Variants in ITPKB observed in about 807,000 individuals in gnomAD.
ITPKB encodes IP3 3-kinase B.
A neutral mutation model predicts 69.4 loss-of-function variants in ITPKB; 13 were observed. That is an observed-to-expected ratio of 0.19 (90% CI 0.12 to 0.30). The LOEUF is 0.30. Ranked by LOEUF, ITPKB falls within the 10% of genes least tolerant of loss-of-function variation. The probability of loss-of-function intolerance (pLI) is 1.00; values close to 1 mark genes in which losing one functional copy is unlikely to be tolerated. For synonymous variants in ITPKB, 584 were observed against 513.7 expected, an observed-to-expected ratio of 1.14 and a Z score of -1.85; for missense variants, 1,240 against 1,250.5, an observed-to-expected ratio of 0.99 and a Z score of 0.13.
rs927392629 is a variant in ITPKB at position 226,739,276 on chromosome 1, A to C, written c.-441T>G. On this transcript the variant is annotated 5_prime_UTR_variant, in exon 1 of 8. Coordinates refer to ENST00000429204, the MANE Select transcript of ITPKB (RefSeq NM_002221.4). ...GCACGCCCTTTTCGACCGTGGAGATACTGCCCCTGTCAGTGTCTGCTCCGG... is the reference window on the plus strand; with the variant it reads ...GCACGCCCTTTTCGACCGTGGAGATCCTGCCCCTGTCAGTGTCTGCTCCGG... 1.3e-5 allele frequency: 2 copies of C among 148,990 alleles called. No homozygotes were observed. Among genetic ancestry groups the C allele is most frequent in the African/African-American group, 4.9e-5 (2 of 40,510 alleles). 9.2% of individuals were successfully genotyped at this position (148,990 alleles called of 1,614,324 possible).
chr1:226,732,909 C>A (rs1053273460), intron 2 of ITPKB, among the ~76,000 whole-genome samples: 1 of 152,174 alleles, frequency 6.6e-6, no homozygotes, highest in Non-Finnish European at 1.5e-5. Flanking sequence ...TATACTGTCA[C>A]CCCCTGCCTG....
intron 2 of ITPKB, among the ~76,000 whole-genome samples, chr1:226,731,713 C>A (rs1417839603): frequency 1.3e-5 from 2 of 151,956 alleles, no homozygotes; most frequent in African/African-American, 4.8e-5. Context: ...TCAGTCATAC[C>A]CAGAACCCAA....
chr1:226,726,447 TG>T (rs1164149905), intron 2 of ITPKB, among the ~76,000 whole-genome samples: 1 of 151,960 alleles, frequency 6.6e-6, no homozygotes, highest in East Asian at 1.9e-4. Context: ...GAGGCCAAGG[TG>T]GAAGGATCGC....
At chr1:226,700,302 C>G (rs34309857) in intron 2 of ITPKB, among the ~76,000 whole-genome samples, 1 of 151,870 alleles carries the variant, frequency 6.6e-6, no homozygotes, top group African/African-American at 2.4e-5. Context: ...AACCCCGTCT[C>G]TACTAAAACA....
At chr1:226,682,875 C>T (rs1370447305) in intron 2 of ITPKB, among the ~76,000 whole-genome samples, 1 of 152,164 alleles carries the variant, frequency 6.6e-6, no homozygotes, top group Non-Finnish European at 1.5e-5. Flanking sequence ...AGTTGAGCCT[C>T]AGGAGGAGGT....
At chr1:226,656,505 G>A (rs562981964) in intron 2 of ITPKB, 1 of 152,234 alleles carries the variant, frequency 6.6e-6, no homozygotes, top group Non-Finnish European at 1.5e-5. Context: ...AGGACTTCAG[G>A]AAGGCAGCTC....
intron 2 of ITPKB, among the ~76,000 whole-genome samples, chr1:226,727,173 A>G (rs928731625): frequency 1.3e-5 from 2 of 152,238 alleles, no homozygotes; most frequent in Admixed American, 6.5e-5. Context: ...AGAGCATTAT[A>G]TAACATATAA....
At chr1:226,701,116 T>C (rs1656626513) in intron 2 of ITPKB, among the ~76,000 whole-genome samples, 1 of 152,212 alleles carries the variant, frequency 6.6e-6, no homozygotes, top group Non-Finnish European at 1.5e-5. Flanking sequence ...GCACTTCAAA[T>C]GCTTTTGGCA....
At chr1:226,652,830 T>C (rs1419035776) in intron 2 of ITPKB, among the ~76,000 whole-genome samples, 1 of 152,186 alleles carries the variant, frequency 6.6e-6, no homozygotes, top group Non-Finnish European at 1.5e-5. Context: ...TGAGCCTCTC[T>C]TTGGCAGACC....
chr1:226,639,608 C>T lies in ITPKB; in HGVS notation c.2502G>A (p.Glu834=), dbSNP rs757822088. The change falls in exon 6 of 8, where the codon GAG becomes GAA. Residue 834 remains glutamate (E), a synonymous_variant. Transcript: ENST00000429204. The part of the protein sequence containing the change: ...NRDFKKTKTR[E]QVTEAFREFT... ...ACTCTCTGAAGGCCTCGGTGACCTG[C>T]TCCCTCGTTTTGGTCTTCTTGAAGT... The T allele has an allele frequency of 2.5e-6, 4 of 1,613,940 alleles. No individual in the cohort carries two copies. The highest frequency in any genetic ancestry group is 3.4e-6 in the Non-Finnish European group (4 of 1,179,900).
At chr1:226,722,470 G>A (rs1028737132) in intron 2 of ITPKB, among the ~76,000 whole-genome samples, 3 of 152,230 alleles carry the variant, frequency 2.0e-5, no homozygotes, top group Non-Finnish European at 2.9e-5. Flanking sequence ...GCTCTCAGGA[G>A]AGAGCAGCTG....
intron 2 of ITPKB, among the ~76,000 whole-genome samples, chr1:226,698,749 G>A (rs3820644): frequency 3.3e-5 from 5 of 152,224 alleles, no homozygotes; most frequent in African/African-American, 1.2e-4. Context: ...CACTGGGCTA[G>A]AGCTCAGCTC....
At position 226,735,796 on chromosome 1, in the gene ITPKB, G is replaced by T. The variant is rs1386746066; in HGVS notation, c.1663C>A (p.Pro555Thr). 8.1e-6 allele frequency: 13 copies of T among 1,607,884 alleles called. No homozygotes were observed. Among genetic ancestry groups the T allele is most frequent in the African/African-American group, 6.7e-5 (5 of 74,790 alleles). The change falls in exon 2 of 8, where the codon CCT (proline) becomes ACT (threonine). Residue 555 changes from proline to threonine, a missense_variant. Pro to Thr is a conservative substitution (Grantham distance 38). Coordinates refer to ENST00000429204, the MANE Select transcript of ITPKB (RefSeq NM_002221.4). ...GGGCTGCAGGCCTTCCTCAGGAAAG[G>T]CTTGTCCGGATCTTGGGGTAGCAGC... is the stretch of plus-strand genomic sequence containing the variant. ...PELLPQDPDK[P>T]FLRKACSPSN...
chr1:226,649,353 TATATGTGC>T (rs939349973), intron 2 of ITPKB, among the ~76,000 whole-genome samples: 1 of 101,416 alleles, frequency 9.9e-6, no homozygotes, highest in Non-Finnish European at 1.7e-5. Flanking sequence ...GCATATGTGA[TATATGTGC>T]ATGTGTGCAT....
At position 226,648,732 on chromosome 1, in the gene ITPKB, A is replaced by T; in HGVS notation, c.1972T>A (p.Ser658Thr). The change falls in exon 3 of 8, where the codon TCT (serine) becomes ACT (threonine). Residue 658 changes from serine to threonine, a missense_variant. This residue lies in a region of ITPKB where 248 missense variants were observed against 396.7 expected (regional missense o/e 0.63). Coordinates refer to ENST00000429204, the MANE Select transcript of ITPKB (RefSeq NM_002221.4). ...WRKIKNMVHW[S>T]PFVMSFKKKY... The stretch of plus-strand genomic sequence containing the variant: ...TTCTTGAAGGACATGACGAAGGGAG[A>T]CCAGTGCACCATGTTTTTTATCTTC... The T allele has an allele frequency of 6.2e-7, 1 of 1,613,010 alleles. No homozygotes were observed. The highest frequency in any genetic ancestry group is 1.7e-5 in the Admixed American group (1 of 60,022).
intron 2 of ITPKB, among the ~76,000 whole-genome samples, chr1:226,727,160 G>A (rs141758127): frequency 1.3e-5 from 2 of 152,262 alleles, no homozygotes; most frequent in Middle Eastern, 3.4e-3. Context: ...TAGCTAACGC[G>A]TAAGAGCATT....
intron 2 of ITPKB, among the ~76,000 whole-genome samples, chr1:226,704,248 T>C (rs1261215941): frequency 6.6e-6 from 1 of 152,246 alleles, no homozygotes; most frequent in African/African-American, 2.4e-5. Flanking sequence ...ATGTTTAGCA[T>C]GCCGTAAAAT....
At chr1:226,655,155 A>G (rs1669266561) in intron 2 of ITPKB, among the ~76,000 whole-genome samples, 2 of 152,190 alleles carry the variant, frequency 1.3e-5, no homozygotes, top group South Asian at 4.1e-4. Flanking sequence ...ACCCTACTCT[A>G]GGCTGTGGGG....
chr1:226,700,261 G>C (rs1656601801), intron 2 of ITPKB, among the ~76,000 whole-genome samples: 1 of 152,126 alleles, frequency 6.6e-6, no homozygotes, highest in African/African-American at 2.4e-5. Flanking sequence ...ACAAGGTCAG[G>C]AGATCGAGAC....
Sources: gnomAD v4.1 joint callset for allele counts (sites outside exome capture counted in the v4.1 genomes callset) on GRCh38, gnomAD v4.1.1 for gene constraint, gnomAD v4.1.1 regional missense constraint, MANE v1.5 for transcripts, NCBI Gene and HGNC (gene_info 2026-07-23, HGNC 2026-07-21) for gene names.